Variants in RASAL2 observed in about 807,000 individuals in gnomAD.
RASAL2 encodes the protein ras GTPase-activating protein nGAP.
In RASAL2, 58 loss-of-function variants were observed where a neutral mutation model predicts 128.9. The ratio of observed to expected loss-of-function variants is 0.45; its 90% CI spans 0.36 to 0.56. The LOEUF (loss-of-function observed/expected upper bound fraction) is 0.56. RASAL2 is among the 20% of genes least tolerant of loss of function. The pLI, the probability that RASAL2 is intolerant of heterozygous loss-of-function variation, is 0.00. For synonymous variants in RASAL2, 561 were observed against 580.8 expected (o/e 0.97, Z 0.49); for missense variants, 1,360 against 1,601.6 (o/e 0.85, Z 2.57).
intron 4 of RASAL2, among the ~76,000 whole-genome samples, chr1:178,410,308 T>C (rs1375981669): frequency 6.7e-6 from 1 of 149,478 alleles, no homozygotes; most frequent in Non-Finnish European, 1.5e-5. Flanking sequence ...GATATAAGAG[T>C]GGGTGGCTGA....
chr1:178,111,493 T>C (rs1264904943), intron 1 of RASAL2, among the ~76,000 whole-genome samples: 2 of 152,188 alleles, frequency 1.3e-5, no homozygotes, highest in Non-Finnish European at 2.9e-5. Context: ...CAGGTTCCAT[T>C]ATCACATTTT....
intron 1 of RASAL2, among the ~76,000 whole-genome samples, chr1:178,144,987 T>G (rs1660669422): frequency 6.6e-6 from 1 of 152,214 alleles, no homozygotes; most frequent in South Asian, 2.1e-4. Context: ...TTTAACATCT[T>G]TGTAAAAATA....
Position 178,468,313 on chromosome 1 carries a change from T to C in RASAL2, c.3678+892T>C, listed in dbSNP as rs116111985. Among the ~76,000 whole-genome samples, 319 of 152,330 alleles carry C rather than the reference T, an allele frequency of 2.1e-3. 3 individuals carry two copies. Among genetic ancestry groups the C allele is most frequent in the African/African-American group, 7.2e-3 (298 of 41,564 alleles). ...CAGGTTTGCATTTTTCAACCTTAAA[T>C]GACATATCATATCCCTAAGCTGTGA... On this transcript the variant is annotated intron_variant, in intron 17 of 17. Coordinates refer to ENST00000367649, the MANE Select transcript of RASAL2 (RefSeq NM_170692.4).
Position 178,280,484 on chromosome 1 carries a change from TGATATA to T in RASAL2, c.203-3079_203-3074del, listed in dbSNP as rs532233932. On this transcript the variant is annotated intron_variant, in intron 1 of 17. Transcript: ENST00000367649. ...TTTTAATTTCTAACATGGTAAATAT[TGATATA>T]ACCCATATAAACCCATATTGATATA... Among the ~76,000 whole-genome samples the T allele has an allele frequency of 1.8e-4, 28 of 152,186 alleles. No individual in the cohort carries two copies. In the East Asian group the frequency reaches 5.4e-3, roughly 29 times the overall value.
At chr1:178,298,585 A>G (rs1335776030) in intron 2 of RASAL2, among the ~76,000 whole-genome samples, 1 of 152,186 alleles carries the variant, frequency 6.6e-6, no homozygotes, top group Non-Finnish European at 1.5e-5. Flanking sequence ...TTAAGCCTAT[A>G]CCTGTCCTAC....
At chr1:178,179,376 T>C (rs1268016983) in intron 1 of RASAL2, among the ~76,000 whole-genome samples, 1 of 152,178 alleles carries the variant, frequency 6.6e-6, no homozygotes, top group Non-Finnish European at 1.5e-5. Flanking sequence ...CTTGTATCAG[T>C]CTAATAATTC....
chr1:178,101,425 T>C (rs1658893142), intron 1 of RASAL2, among the ~76,000 whole-genome samples: 1 of 152,174 alleles, frequency 6.6e-6, no homozygotes, highest in Non-Finnish European at 1.5e-5. Flanking sequence ...CCATAAATTA[T>C]CTTCAACATT....
chr1:178,447,771 G>A (rs180896429), intron 9 of RASAL2, among the ~76,000 whole-genome samples: 206 of 151,134 alleles, frequency 1.4e-3, no homozygotes, highest in Non-Finnish European at 1.3e-3. Context: ...AGAGGAAGAC[G>A]GATATGAGAA....
intron 1 of RASAL2, among the ~76,000 whole-genome samples, chr1:178,136,033 T>C (rs1346206837): frequency 1.3e-5 from 2 of 152,334 alleles, no homozygotes; most frequent in South Asian, 2.1e-4. Context: ...CCGTATGAAC[T>C]CTTTGGGTCT....
chr1:178,163,627 T>C (rs1431054843), intron 1 of RASAL2, among the ~76,000 whole-genome samples: 1 of 152,204 alleles, frequency 6.6e-6, no homozygotes, highest in Non-Finnish European at 1.5e-5. Flanking sequence ...TTACTTTTAT[T>C]TTTATGATCT....
chr1:178,368,583 T>C (rs1410454567), intron 3 of RASAL2, among the ~76,000 whole-genome samples: 1 of 152,034 alleles, frequency 6.6e-6, no homozygotes, highest in Non-Finnish European at 1.5e-5. Context: ...ACTGCCAAAA[T>C]GTATGGGATT....
At chr1:178,445,131 A>G (rs113433423) in intron 8 of RASAL2, among the ~76,000 whole-genome samples, 1,508 of 150,030 alleles carry the variant, frequency 0.01, 21 homozygotes, top group African/African-American at 0.036. Context: ...CAGAACTGAG[A>G]ACAGTATTTG....
chr1:178,233,149 T>C (rs1558129577), intron 1 of RASAL2, among the ~76,000 whole-genome samples: 1 of 152,212 alleles, frequency 6.6e-6, no homozygotes, highest in Non-Finnish European at 1.5e-5. Flanking sequence ...CAACATCTGC[T>C]GTGGTTCAAA....
chr1:178,251,793 A>G (rs1665066424), intron 1 of RASAL2, among the ~76,000 whole-genome samples: 1 of 152,228 alleles, frequency 6.6e-6, no homozygotes, highest in African/African-American at 2.4e-5. Flanking sequence ...AAGTAAAAAC[A>G]TAACTATTTA....
chr1:178,325,003 C>G (rs774402162), intron 3 of RASAL2, among the ~76,000 whole-genome samples: 6 of 152,148 alleles, frequency 3.9e-5, no homozygotes, highest in Non-Finnish European at 7.4e-5. Flanking sequence ...TTGGATTGTT[C>G]TGGTTACTTT....
chr1:178,222,356 T>A (rs1663644375), intron 1 of RASAL2, among the ~76,000 whole-genome samples: 1 of 152,154 alleles, frequency 6.6e-6, no homozygotes, highest in Non-Finnish European at 1.5e-5. Context: ...CTGGTTTAAT[T>A]GAGCATTTTG....
At chr1:178,159,924 C>CA (rs958166319) in intron 1 of RASAL2, among the ~76,000 whole-genome samples, 23 of 150,954 alleles carry the variant, frequency 1.5e-4, no homozygotes, top group East Asian at 9.8e-4. Context: ...AACAAACAAA[C>CA]AAAAAAAACT....
intron 10 of RASAL2, 117 bp downstream of exon 10, chr1:178,451,832 G>A: frequency 8.0e-7 from 1 of 1,250,198 alleles, no homozygotes; most frequent in South Asian, 1.5e-5. Flanking sequence ...CAACCAAAGG[G>A]GAGGGTCTTG....
At chr1:178,374,691 CTAT>C (rs1157385979) in intron 3 of RASAL2, among the ~76,000 whole-genome samples, 2 of 152,248 alleles carry the variant, frequency 1.3e-5, no homozygotes, top group South Asian at 2.1e-4. Flanking sequence ...ACCTGACATT[CTAT>C]TATTCATTTT....
Sources: allele counts gnomAD v4.1 joint callset (sites outside exome capture counted in the v4.1 genomes callset), GRCh38; gene constraint gnomAD v4.1.1; transcripts MANE v1.5; gene names NCBI Gene and HGNC (gene_info 2026-07-23, HGNC 2026-07-21).